UNC13C: variants seen among roughly 807,000 people sequenced by gnomAD.
UNC13C encodes unc-13 homolog C.
In UNC13C, 174 loss-of-function variants were observed where a neutral mutation model predicts 245.4. That is an observed-to-expected ratio of 0.71 (90% CI 0.63 to 0.80). The LOEUF (loss-of-function observed/expected upper bound fraction) is 0.80. UNC13C is among the 30% of genes least tolerant of loss of function. The pLI, the probability that UNC13C is intolerant of heterozygous loss-of-function variation, is 0.00. For missense variants in UNC13C, 2,829 were observed against 2,602.9 expected (o/e 1.09, Z -1.89); for synonymous variants, 992 against 895.1 (o/e 1.11, Z -1.93).
At chr15:54,300,547 G>T (rs1158746411) in intron 13 of UNC13C, among the ~76,000 whole-genome samples, 174 bp downstream of exon 13, 2 of 152,074 alleles carry the variant, frequency 1.3e-5, no homozygotes, top group Non-Finnish European at 2.9e-5. Context: ...TTAATGACTT[G>T]GTAATTCACT....
chr15:54,349,797 G>A (rs2038939704), intron 17 of UNC13C, among the ~76,000 whole-genome samples: 1 of 152,146 alleles, frequency 6.6e-6, no homozygotes. Flanking sequence ...AGACTGAGGA[G>A]ATGGAGGCAA....
At position 54,013,192 on chromosome 15, in the gene UNC13C, G is replaced by C; in HGVS notation, c.289G>C (p.Ala97Pro). The change falls in exon 2 of 33, where the codon GCT becomes CCT. Residue 97 changes from alanine (A) to proline (P), a missense_variant. Ala to Pro is a conservative substitution (Grantham distance 27, BLOSUM62 -1). Coordinates refer to ENST00000260323, the MANE Select transcript of UNC13C (RefSeq NM_001080534.3). ...CTCACCAACATTCAGTTACCGAGTAGCTATTGCCAATGGCCTACAAAAGAA... is the reference window on the plus strand; with the variant it reads ...CTCACCAACATTCAGTTACCGAGTACCTATTGCCAATGGCCTACAAAAGAA... ...SLSPTFSYRV[A>P]IANGLQKNAK... The C allele has an allele frequency of 6.2e-7, 1 of 1,613,832 alleles. No homozygotes were observed. The highest frequency in any genetic ancestry group is 1.1e-5 in the South Asian group (1 of 91,074).
intron 29 of UNC13C, among the ~76,000 whole-genome samples, chr15:54,565,191 C>A (rs1329590989): frequency 6.6e-6 from 1 of 151,942 alleles, no homozygotes; most frequent in Non-Finnish European, 1.5e-5. Flanking sequence ...CTAACACCTG[C>A]AATGTATTGT....
At chr15:54,599,566 G>C (rs1899290133) in intron 30 of UNC13C, among the ~76,000 whole-genome samples, 1 of 152,062 alleles carries the variant, frequency 6.6e-6, no homozygotes, top group Admixed American at 6.6e-5. Flanking sequence ...AACGATATTT[G>C]TTCATTATGG....
chr15:54,119,210 G>GT (rs1321270765), intron 2 of UNC13C, among the ~76,000 whole-genome samples: 4 of 151,906 alleles, frequency 2.6e-5, no homozygotes, highest in East Asian at 1.9e-4. Flanking sequence ...AAGATATTGC[G>GT]TTTTTTTACA....
At chr15:54,272,670 A>G (rs1230203507) in intron 10 of UNC13C, among the ~76,000 whole-genome samples, 1 of 152,178 alleles carries the variant, frequency 6.6e-6, no homozygotes, top group Non-Finnish European at 1.5e-5. Flanking sequence ...TATGTCTAGC[A>G]GCAGGAAAAT....
Position 54,587,866 on chromosome 15 carries a change from T to C in UNC13C, c.6106+19919T>C, listed in dbSNP as rs142436403. 4.7e-4 allele frequency among the ~76,000 whole-genome samples: 72 copies of C among 152,334 alleles called. 1 individual carries two copies. The East Asian group carries it at 7.1e-3, about 15-fold the overall frequency. ...CTGACATGTTCAATAATAAAATATT[T>C]GAAGTTAAGTTAGATACATTTTAAT... is the stretch of plus-strand genomic sequence containing the variant. On this transcript the variant is annotated intron_variant, in intron 30 of 32. Coordinates refer to ENST00000260323, the MANE Select transcript of UNC13C (RefSeq NM_001080534.3).
chr15:54,134,880 T>G (rs1486293287), intron 2 of UNC13C, among the ~76,000 whole-genome samples: 2 of 152,206 alleles, frequency 1.3e-5, no homozygotes, highest in Non-Finnish European at 2.9e-5. Flanking sequence ...TTTATGTTTT[T>G]GAGGAACCTC....
chr15:54,319,168 G>A (rs928457428), intron 13 of UNC13C, among the ~76,000 whole-genome samples: 3 of 151,120 alleles, frequency 2.0e-5, no homozygotes, highest in Non-Finnish European at 4.4e-5. Context: ...ATTGACTATG[G>A]CATTTCTATA....
the UNC13C span, among the ~76,000 whole-genome samples, chr15:53,925,380 G>T: frequency 2.0e-4 from 30 of 152,020 alleles, no homozygotes; most frequent in Non-Finnish European, 4.0e-4. Context: ...AACCCCAAAG[G>T]GTCTGTGTTT....
intron 17 of UNC13C, among the ~76,000 whole-genome samples, chr15:54,341,971 G>A (rs1383531818): frequency 9.2e-6 from 1 of 108,482 alleles, no homozygotes; most frequent in Non-Finnish European, 2.2e-5. Flanking sequence ...GCGAGACTCT[G>A]TCTCAAAAAA....
chr15:54,108,050 G>C (rs1900536946), intron 2 of UNC13C, among the ~76,000 whole-genome samples: 1 of 152,186 alleles, frequency 6.6e-6, no homozygotes, highest in Admixed American at 6.5e-5. Flanking sequence ...AAGTTTTCAA[G>C]TGTCTAACAA....
chr15:54,416,274 G>A (rs571175095), intron 19 of UNC13C, among the ~76,000 whole-genome samples: 6 of 152,232 alleles, frequency 3.9e-5, no homozygotes, highest in South Asian at 2.1e-4. Flanking sequence ...AGGTTTTATA[G>A]CGTTCGTGTT....
intron 19 of UNC13C, among the ~76,000 whole-genome samples, chr15:54,475,718 C>A (rs1424778782): frequency 2.2e-5 from 3 of 137,180 alleles, no homozygotes; most frequent in Non-Finnish European, 4.8e-5. Context: ...TGTTGGACAT[C>A]TGGGTTGGTT....
chr15:53,866,741 C>G, the UNC13C span, among the ~76,000 whole-genome samples: 2 of 152,214 alleles, frequency 1.3e-5, no homozygotes, highest in Non-Finnish European at 2.9e-5. Context: ...TTTACTCATT[C>G]ATACAAATTA....
At chr15:54,131,298 T>C (rs1041932629) in intron 2 of UNC13C, among the ~76,000 whole-genome samples, 1 of 152,186 alleles carries the variant, frequency 6.6e-6, no homozygotes, top group African/African-American at 2.4e-5. Flanking sequence ...GAAAATAAAA[T>C]TTTGATTGTG....
chr15:54,446,099 T>C (rs145662321), intron 19 of UNC13C, among the ~76,000 whole-genome samples: 21,649 of 152,102 alleles, frequency 0.14, 1,577 homozygotes, highest in Non-Finnish European at 0.17. Flanking sequence ...GATCAGATAG[T>C]TGTAGATGTG....
intron 23 of UNC13C, among the ~76,000 whole-genome samples, chr15:54,510,483 A>C (rs1278068911): frequency 7.0e-6 from 1 of 142,646 alleles, no homozygotes; most frequent in Non-Finnish European, 1.5e-5. Context: ...ATTTTGATTC[A>C]GCTAATTAAA....
intron 2 of UNC13C, among the ~76,000 whole-genome samples, chr15:54,022,382 A>G (rs879707494): frequency 4.0e-5 from 6 of 151,874 alleles, no homozygotes; most frequent in Non-Finnish European, 7.4e-5. Context: ...ATCATGGCTC[A>G]CTGCAGCCTC....
Sources: allele counts gnomAD v4.1 joint callset (sites outside exome capture counted in the v4.1 genomes callset), GRCh38; gene constraint gnomAD v4.1.1; transcripts MANE v1.5; gene names NCBI Gene and HGNC (gene_info 2026-07-23, HGNC 2026-07-21).